Variants in EML4 observed in about 807,000 individuals in gnomAD.
EML4 encodes EMAP like 4.
In EML4, 72 loss-of-function variants were observed where a neutral mutation model predicts 129.0. The observed-to-expected ratio is 0.56, with a 90% CI of 0.46 to 0.68. The LOEUF is 0.68. EML4 is among the 30% of genes least tolerant of loss of function. The probability of loss-of-function intolerance (pLI) is 0.00; values close to 1 mark genes in which losing one functional copy is unlikely to be tolerated. For missense variants in EML4, 1,363 were observed against 1,190.6 expected (o/e 1.14, Z -2.13); for synonymous variants, 532 against 405.0 (o/e 1.31, Z -3.77).
chr2:42,175,382 G>C (rs887497929), intron 1 of EML4, among the ~76,000 whole-genome samples: 2 of 150,332 alleles, frequency 1.3e-5, no homozygotes, highest in African/African-American at 4.9e-5. Flanking sequence ...CAAAGTGCTG[G>C]CATTACAGAC....
At chr2:42,329,053 C>G (rs1267184529) in intron 22 of EML4, 37 bp downstream of exon 22, 2 of 1,590,306 alleles carry the variant, frequency 1.3e-6, no homozygotes, top group African/African-American at 2.7e-5. Flanking sequence ...GTTATAAGGC[C>G]TTCTGTCCAG....
chr2:42,201,577 T>C (rs930486579), intron 1 of EML4, among the ~76,000 whole-genome samples: 1 of 152,102 alleles, frequency 6.6e-6, no homozygotes, highest in Non-Finnish European at 1.5e-5. Flanking sequence ...TTTTTCACAA[T>C]AGCAAGGATA....
chr2:42,331,080 T>C lies in EML4; in HGVS notation c.*873T>C. 4.6e-6 allele frequency: 1 copy of C among 218,066 alleles called. No individual in the cohort carries two copies. The allele number at this position is 218,066 out of a possible 1,614,324, so 13.5% of individuals were successfully genotyped here. ...AAACTGTAATAATTACCTGGCTAAT[T>C]TCAGCTAAGCCTTCATCATAATTTG... On this transcript the variant is annotated 3_prime_UTR_variant, in exon 23 of 23. Transcript: ENST00000318522.
intron 17 of EML4, among the ~76,000 whole-genome samples, chr2:42,305,350 A>G (rs893070442): frequency 3.3e-5 from 5 of 152,252 alleles, no homozygotes; most frequent in East Asian, 1.9e-4. Context: ...TTGCAAAATG[A>G]TAGAGTGGTC....
chr2:42,324,433 T>C (rs1669682125), intron 19 of EML4, among the ~76,000 whole-genome samples: 1 of 152,222 alleles, frequency 6.6e-6, no homozygotes, highest in Non-Finnish European at 1.5e-5. Context: ...CTCGGCGATG[T>C]GGTGAAACCT....
chr2:42,261,516 C>T (rs1220539104), intron 4 of EML4: 1 of 306,502 alleles, frequency 3.3e-6, no homozygotes, highest in South Asian at 1.4e-4. Flanking sequence ...AAAAAAAAAA[C>T]TAAGTTATAA....
chr2:42,255,463 T>A (rs1389048369), intron 2 of EML4, among the ~76,000 whole-genome samples: 2 of 152,204 alleles, frequency 1.3e-5, no homozygotes, highest in African/African-American at 4.8e-5. Flanking sequence ...ACATTGTGAA[T>A]ATACTAATTG....
At chr2:42,279,946 C>G (rs935933542) in intron 6 of EML4, among the ~76,000 whole-genome samples, 1 of 151,992 alleles carries the variant, frequency 6.6e-6, no homozygotes, top group Admixed American at 6.6e-5. Flanking sequence ...GAAAAGATGT[C>G]CTTAGTCCAT....
rs145594651 is a variant in EML4 at position 42,304,438 on chromosome 2, G to A, written c.1900-46G>A. 60 of 1,494,056 alleles carry A rather than the reference G, an allele frequency of 4.0e-5. 1 individual carries two copies. The African/African-American group carries it at 6.3e-4, about 16-fold the overall frequency. The allele number at this position is 1,494,056 out of a possible 1,614,324, so 92.5% of individuals were successfully genotyped here. On this transcript the variant is annotated intron_variant, in intron 16 of 22. Transcript: ENST00000318522. Reference sequence around the variant, plus strand: ...AAGTTTTTGCTACTGTCCCCATAGGGAGACTTTCTCATGTACTCCCCAACA... The same window carrying A: ...AAGTTTTTGCTACTGTCCCCATAGGAAGACTTTCTCATGTACTCCCCAACA...
chr2:42,310,930 T>C (rs534547751), intron 17 of EML4, among the ~76,000 whole-genome samples: 1 of 152,194 alleles, frequency 6.6e-6, no homozygotes, highest in African/African-American at 2.4e-5. Context: ...TCCAAAATTA[T>C]ATATGGAAGT....
intron 17 of EML4, among the ~76,000 whole-genome samples, chr2:42,313,050 G>A (rs1467098952): frequency 1.4e-5 from 2 of 140,838 alleles, no homozygotes; most frequent in African/African-American, 5.3e-5. Flanking sequence ...CTGCGTTCAC[G>A]CCATTCTCCT....
chr2:42,246,707 A>G (rs1360532357), intron 2 of EML4, among the ~76,000 whole-genome samples: 1 of 152,154 alleles, frequency 6.6e-6, no homozygotes, highest in African/African-American at 2.4e-5. Context: ...CTTATGGATG[A>G]TAGTTGAAGC....
rs992969072 is a variant in EML4, at chr2:42,230,391, C to T, written c.26-15114C>T. On this transcript the variant is annotated intron_variant, in intron 1 of 22. Transcript: ENST00000318522. ...ATTCCACACTTACCTATTAGCTCAA[C>T]CTCTTATTTTTTATTTTATTTATTT... Among the ~76,000 whole-genome samples, 3 of 151,960 alleles carry T rather than the reference C, an allele frequency of 2.0e-5. No individual in the cohort carries two copies. The South Asian group carries it at 6.2e-4, about 31-fold the overall frequency.
chr2:42,217,925 A>G (rs1007334129), intron 1 of EML4, among the ~76,000 whole-genome samples: 8 of 152,194 alleles, frequency 5.3e-5, no homozygotes, highest in Non-Finnish European at 1.0e-4. Flanking sequence ...TCCGTAGGGT[A>G]CTGGATTGAT....
chr2:42,283,039 G>T, intron 8 of EML4, 67 bp downstream of exon 8: 1 of 1,396,524 alleles, frequency 7.2e-7, no homozygotes, highest in Admixed American at 2.4e-5. Flanking sequence ...TTTTAAATTT[G>T]GGTTTTATTG....
intron 2 of EML4, among the ~76,000 whole-genome samples, chr2:42,254,431 C>T (rs947690656): frequency 1.8e-4 from 27 of 149,784 alleles, no homozygotes; most frequent in African/African-American, 6.4e-4. Context: ...GCACTCCAGC[C>T]TGGGCAACAG....
intron 1 of EML4, among the ~76,000 whole-genome samples, chr2:42,202,558 C>G (rs966132270): frequency 1.3e-5 from 2 of 152,146 alleles, no homozygotes; most frequent in Admixed American, 6.5e-5. Context: ...AGCAAGGAAG[C>G]CAGTCTGAGT....
At chr2:42,191,050 T>C (rs999948797) in intron 1 of EML4, among the ~76,000 whole-genome samples, 2 of 152,160 alleles carry the variant, frequency 1.3e-5, no homozygotes, top group Non-Finnish European at 2.9e-5. Context: ...TTGAATTTTA[T>C]TACCTACCTT....
chr2:42,210,736 G>A (rs996825009), intron 1 of EML4, among the ~76,000 whole-genome samples: 1 of 152,106 alleles, frequency 6.6e-6, no homozygotes, highest in South Asian at 2.1e-4. Flanking sequence ...TATTCAGATT[G>A]TTCCAGCTTT....
Sources: gnomAD v4.1 joint callset for allele counts (sites outside exome capture counted in the v4.1 genomes callset) on GRCh38, gnomAD v4.1.1 for gene constraint, MANE v1.5 for transcripts, NCBI Gene and HGNC (gene_info 2026-07-23, HGNC 2026-07-21) for gene names.